Variants in XRCC4 observed in about 807,000 individuals in gnomAD.
XRCC4 encodes DNA repair protein XRCC4.
XRCC4 carries 28 observed loss-of-function variants against 39.1 expected under a neutral mutation model. The ratio of observed to expected loss-of-function variants is 0.72; its 90% confidence interval spans 0.53 to 0.98. The LOEUF (loss-of-function observed/expected upper bound fraction) is 0.98. Ranked by LOEUF, XRCC4 falls within the 50% of genes least tolerant of loss-of-function variation. The pLI is 0.00. For missense variants in XRCC4, 350 were observed against 376.4 expected, an observed-to-expected ratio of 0.93 and a Z score of 0.58; for synonymous variants, 123 against 126.4, an observed-to-expected ratio of 0.97 and a Z score of 0.18.
intron 3 of XRCC4, among the ~76,000 whole-genome samples, chr5:83,127,920 C>T (rs1747355113): frequency 1.3e-5 from 2 of 148,932 alleles, no homozygotes; most frequent in Admixed American, 6.7e-5. Flanking sequence ...CATTGCTCTG[C>T]CTTCTGGCTA....
At chr5:83,145,847 T>G (rs1407005388) in intron 3 of XRCC4, among the ~76,000 whole-genome samples, 4 of 151,900 alleles carry the variant, frequency 2.6e-5, no homozygotes, top group Non-Finnish European at 5.9e-5. Flanking sequence ...CACTTTCCTG[T>G]GCAGTCAGGT....
chr5:83,245,635 C>T (rs1177309534), intron 6 of XRCC4, among the ~76,000 whole-genome samples: 1 of 151,764 alleles, frequency 6.6e-6, no homozygotes, highest in Non-Finnish European at 1.5e-5. Flanking sequence ...ATTTAGATTT[C>T]CAATAAAAAT....
chr5:83,191,802 T>C (rs1368085356), intron 3 of XRCC4, among the ~76,000 whole-genome samples: 2 of 152,192 alleles, frequency 1.3e-5, no homozygotes, highest in African/African-American at 2.4e-5. Context: ...TCTGCCATGA[T>C]TGAGAGGCCT....
At chr5:83,208,075 G>A (rs935120080) in intron 6 of XRCC4, among the ~76,000 whole-genome samples, 1 of 151,904 alleles carries the variant, frequency 6.6e-6, no homozygotes, top group African/African-American at 2.4e-5. Flanking sequence ...ATAGTAAATG[G>A]ATTTTTATCA....
chr5:83,206,598 C>A (rs1751431399), intron 6 of XRCC4, among the ~76,000 whole-genome samples: 1 of 151,986 alleles, frequency 6.6e-6, no homozygotes. Flanking sequence ...CAACAAATTT[C>A]ACTGTAAAAA....
At chr5:83,272,902 T>C (rs748938444) in intron 7 of XRCC4, among the ~76,000 whole-genome samples, 1 of 152,234 alleles carries the variant, frequency 6.6e-6, no homozygotes, top group Non-Finnish European at 1.5e-5. Flanking sequence ...TGCATGTGTC[T>C]TTATAGTAGA....
At chr5:83,255,906 G>T (rs1032541868) in intron 6 of XRCC4, among the ~76,000 whole-genome samples, 1 of 152,126 alleles carries the variant, frequency 6.6e-6, no homozygotes, top group Non-Finnish European at 1.5e-5. Context: ...TTATCTCTAG[G>T]TGTAAATAGG....
intron 2 of XRCC4, 115 bp downstream of exon 2, chr5:83,105,173 TG>T (rs1228282468): frequency 2.3e-5 from 23 of 1,018,696 alleles, no homozygotes; most frequent in Non-Finnish European, 3.1e-5. Context: ...TACTTGCTAT[TG>T]CTGTCAAATT....
intron 3 of XRCC4, among the ~76,000 whole-genome samples, chr5:83,185,534 G>T (rs1315145304): frequency 6.6e-6 from 1 of 151,554 alleles, no homozygotes; most frequent in Non-Finnish European, 1.5e-5. Flanking sequence ...GGATTTGTCT[G>T]AAATTCGTAG....
intron 7 of XRCC4, among the ~76,000 whole-genome samples, chr5:83,331,960 A>C (rs1171599944): frequency 6.6e-6 from 1 of 152,116 alleles, no homozygotes; most frequent in Non-Finnish European, 1.5e-5. Flanking sequence ...CTTCAACAGA[A>C]GTGGAGTGAA....
At chr5:83,157,279 A>G (rs571080069) in intron 3 of XRCC4, among the ~76,000 whole-genome samples, 1 of 152,206 alleles carries the variant, frequency 6.6e-6, no homozygotes, top group East Asian at 1.9e-4. Flanking sequence ...ACTATCCTCT[A>G]TCCTTCCCAC....
chr5:83,367,665 A>AT, the XRCC4 span, among the ~76,000 whole-genome samples: 3 of 152,100 alleles, frequency 2.0e-5, no homozygotes, highest in African/African-American at 4.8e-5. Flanking sequence ...ATAAGTCCTT[A>AT]TCAAGCTCTC....
intron 3 of XRCC4, among the ~76,000 whole-genome samples, chr5:83,187,610 A>G (rs1045116156): frequency 5.3e-5 from 8 of 152,222 alleles, no homozygotes; most frequent in Non-Finnish European, 1.0e-4. Context: ...TTGGCACGGT[A>G]GTCACAGGCC....
chr5:83,162,775 G>A (rs914486683), intron 3 of XRCC4, among the ~76,000 whole-genome samples: 1 of 152,126 alleles, frequency 6.6e-6, no homozygotes, highest in Non-Finnish European at 1.5e-5. Flanking sequence ...GGGAACAGAG[G>A]ACTTTCATCT....
chr5:83,097,350 G>GT (rs5869160), intron 1 of XRCC4, among the ~76,000 whole-genome samples: 4,506 of 142,642 alleles, frequency 0.032, 211 homozygotes, highest in African/African-American at 0.11. Flanking sequence ...TATAGGTTTT[G>GT]TTTTTTTTTT....
chr5:83,357,765 G>C (rs553204889), downstream of XRCC4, among the ~76,000 whole-genome samples: 4 of 152,260 alleles, frequency 2.6e-5, no homozygotes, highest in Non-Finnish European at 4.4e-5. Flanking sequence ...GCCCTTCCTG[G>C]GTGTCCGGAA....
intron 1 of XRCC4, among the ~76,000 whole-genome samples, chr5:83,086,492 A>C (rs1745187705): frequency 6.6e-6 from 1 of 152,246 alleles, no homozygotes; most frequent in African/African-American, 2.4e-5. Context: ...TTTACTATTC[A>C]TTAAGTGGAA....
Position 83,258,581 on chromosome 5 carries a change from T to A in XRCC4, c.797T>A (p.Ile266Asn), listed in dbSNP as rs545942955. ...SIISSLDVTD[I>N]APSRKRRQRM... ...ATTTCAAGTCTTGATGTCACTGATA[T>A]TGCACCAAGTAGAAAAAGGAGACAG... is the stretch of plus-strand genomic sequence containing the variant. Residue 266 changes from isoleucine to asparagine, a missense_variant, in exon 7 of 8, where the codon ATT becomes AAT. Ile to Asn is a moderately radical substitution (Grantham distance 149). Transcript: ENST00000396027. 6.2e-7 allele frequency: 1 copy of A among 1,610,486 alleles called. No homozygotes were observed. The highest frequency in any genetic ancestry group is 8.5e-7 in the Non-Finnish European group (1 of 1,178,966).
chr5:83,172,492 G>GAA (rs1439048617), intron 3 of XRCC4, among the ~76,000 whole-genome samples: 1 of 152,056 alleles, frequency 6.6e-6, no homozygotes, highest in Non-Finnish European at 1.5e-5. Context: ...AAATGTAAAT[G>GAA]GGATTATTAA....
Sources: allele counts gnomAD v4.1 joint callset (sites outside exome capture counted in the v4.1 genomes callset), GRCh38; gene constraint gnomAD v4.1.1; transcripts MANE v1.5; gene names NCBI Gene and HGNC (gene_info 2026-07-23, HGNC 2026-07-21).